CACNB2: variants seen among roughly 807,000 people sequenced by gnomAD.
CACNB2 encodes the protein calcium voltage-gated channel auxiliary subunit beta 2, also known as voltage-dependent L-type calcium channel subunit beta-2.
CACNB2 carries 42 observed loss-of-function variants against 73.3 expected under a neutral mutation model. That is an observed-to-expected ratio of 0.57 (90% CI 0.45 to 0.74). CACNB2 has a LOEUF of 0.74. Ranked by LOEUF, CACNB2 falls within the 30% of genes least tolerant of loss-of-function variation. The pLI, the probability that CACNB2 is intolerant of heterozygous loss-of-function variation, is 0.00. For missense variants in CACNB2, 940 were observed against 853.0 expected (o/e 1.10, Z -1.27); for synonymous variants, 348 against 310.3 (o/e 1.12, Z -1.28).
intron 2 of CACNB2, among the ~76,000 whole-genome samples, chr10:18,369,366 T>C (rs1296092313): frequency 6.6e-6 from 1 of 152,202 alleles, no homozygotes; most frequent in Non-Finnish European, 1.5e-5. Context: ...TACTTTGCTG[T>C]AGTATAGGTG....
intron 3 of CACNB2, among the ~76,000 whole-genome samples, chr10:18,458,853 C>T (rs375130857): frequency 5.5e-4 from 83 of 151,068 alleles, no homozygotes; most frequent in African/African-American, 1.8e-3. Context: ...GCAACCTCCG[C>T]CTCCCAGGTT....
intron 5 of CACNB2, 129 bp downstream of exon 5, chr10:18,501,077 C>T: frequency 1.1e-6 from 1 of 923,742 alleles, no homozygotes; most frequent in Non-Finnish European, 1.7e-6. Flanking sequence ...TTATTGATAG[C>T]ATCACAAATC....
intron 10 of CACNB2, among the ~76,000 whole-genome samples, chr10:18,530,905 G>T (rs1190169586): frequency 6.6e-6 from 1 of 152,132 alleles, no homozygotes; most frequent in Non-Finnish European, 1.5e-5. Context: ...CTTCACTTCT[G>T]CCCCCCAAGC....
At chr10:18,260,943 T>C (rs1486920115) in intron 2 of CACNB2, 1 of 1,267,688 alleles carries the variant, frequency 7.9e-7, no homozygotes, top group African/African-American at 1.5e-5. Context: ...ATCTGGACAG[T>C]CCTAACTCTG....
At chr10:18,344,372 C>CTT (rs201109681) in intron 2 of CACNB2, among the ~76,000 whole-genome samples, 2 of 141,530 alleles carry the variant, frequency 1.4e-5, no homozygotes, top group African/African-American at 2.6e-5. Flanking sequence ...ATTGACAAAA[C>CTT]TTTTTTTTTT....
intron 2 of CACNB2, among the ~76,000 whole-genome samples, chr10:18,180,965 C>T (rs1298916867): frequency 7.0e-6 from 1 of 142,592 alleles, no homozygotes. Flanking sequence ...GACTCCATCT[C>T]AAAAAACAAA....
intron 2 of CACNB2, among the ~76,000 whole-genome samples, chr10:18,228,090 C>T (rs1757226): frequency 0.53 from 81,211 of 151,948 alleles, 24,549 homozygotes; most frequent in Non-Finnish European, 0.68. Flanking sequence ...AAACCTCACC[C>T]TCAAAAGGTT....
At chr10:18,298,230 A>T (rs191552775) in intron 2 of CACNB2, among the ~76,000 whole-genome samples, 4 of 152,194 alleles carry the variant, frequency 2.6e-5, no homozygotes, top group African/African-American at 7.2e-5. Context: ...TTAGCTGGGC[A>T]TGGTGGTGGG....
intron 2 of CACNB2, among the ~76,000 whole-genome samples, chr10:18,400,407 A>C (rs555207238): frequency 6.3e-4 from 96 of 152,308 alleles, no homozygotes; most frequent in Non-Finnish European, 1.2e-3. Flanking sequence ...CACGAGCCCG[A>C]TTACTATAGA....
intron 2 of CACNB2, among the ~76,000 whole-genome samples, chr10:18,290,112 C>CTTTT (rs992393946): frequency 7.2e-4 from 36 of 50,148 alleles, no homozygotes; most frequent in African/African-American, 1.8e-3. Flanking sequence ...TTTTCTTTTT[C>CTTTT]TTTTTTTTTT....
chr10:18,235,379 T>G (rs61075188), intron 2 of CACNB2, among the ~76,000 whole-genome samples: 7,210 of 150,482 alleles, frequency 0.048, 601 homozygotes, highest in African/African-American at 0.17. Flanking sequence ...GATCCCTTGA[T>G]CCTAGAAGGT....
intron 2 of CACNB2, among the ~76,000 whole-genome samples, chr10:18,233,738 C>T (rs2036315145): frequency 6.6e-6 from 1 of 152,140 alleles, no homozygotes; most frequent in South Asian, 2.1e-4. Flanking sequence ...CTTTCAAGCT[C>T]CCGCTGAGTG....
intron 10 of CACNB2, among the ~76,000 whole-genome samples, chr10:18,529,607 G>C (rs973349946): frequency 3.9e-5 from 6 of 152,170 alleles, no homozygotes; most frequent in African/African-American, 1.4e-4. Flanking sequence ...ATTCGAGACA[G>C]TGAAAGCCAC....
At chr10:18,271,494 A>C (rs2038051841) in intron 2 of CACNB2, among the ~76,000 whole-genome samples, 1 of 152,256 alleles carries the variant, frequency 6.6e-6, no homozygotes, top group African/African-American at 2.4e-5. Context: ...ATTTAAAAAT[A>C]AAAACACCAC....
chr10:18,364,130 G>A (rs956617841), intron 2 of CACNB2, among the ~76,000 whole-genome samples: 1 of 151,626 alleles, frequency 6.6e-6, no homozygotes, highest in Non-Finnish European at 1.5e-5. Context: ...ATTTTCAGTG[G>A]AGATGGGGTT....
chr10:18,353,300 C>G (rs1157425760), intron 2 of CACNB2, among the ~76,000 whole-genome samples: 4 of 151,984 alleles, frequency 2.6e-5, no homozygotes, highest in Non-Finnish European at 5.9e-5. Flanking sequence ...ATCCCAGCTA[C>G]TCTGGAGGCT....
At chr10:18,190,948 T>A (rs556340073) in intron 2 of CACNB2, among the ~76,000 whole-genome samples, 10 of 152,352 alleles carry the variant, frequency 6.6e-5, no homozygotes, top group African/African-American at 2.4e-4. Flanking sequence ...AGGTGTGATA[T>A]CATTAGATTT....
intron 3 of CACNB2, among the ~76,000 whole-genome samples, chr10:18,410,690 A>T (rs2044572092): frequency 6.6e-6 from 1 of 152,062 alleles, no homozygotes. Flanking sequence ...GGGGAAAAAA[A>T]AAATGTGTTG....
intron 2 of CACNB2, among the ~76,000 whole-genome samples, chr10:18,370,179 T>G (rs1244798786): frequency 6.6e-6 from 1 of 152,258 alleles, no homozygotes; most frequent in Non-Finnish European, 1.5e-5. Context: ...TACATTTAAA[T>G]AGCCACACTT....
Sources: allele counts gnomAD v4.1 joint callset (sites outside exome capture counted in the v4.1 genomes callset), GRCh38; gene constraint gnomAD v4.1.1; transcripts MANE v1.5; gene names NCBI Gene and HGNC (gene_info 2026-07-23, HGNC 2026-07-21).